The following E4F1 variants were observed in gnomAD, a reference collection of about 807,000 sequenced individuals.
E4F1 encodes transcription factor E4F1.
In E4F1, 30 loss-of-function variants were observed where a neutral mutation model predicts 72.9. The ratio of observed to expected loss-of-function variants is 0.41; its 90% confidence interval spans 0.31 to 0.56. The LOEUF is 0.56. E4F1 is among the 20% of genes least tolerant of loss of function. The probability of loss-of-function intolerance (pLI) is 0.25; values close to 1 mark genes in which losing one functional copy is unlikely to be tolerated. For missense variants in E4F1, 1,091 were observed against 1,117.5 expected (o/e 0.98, Z 0.34); for synonymous variants, 542 against 478.2 (o/e 1.13, Z -1.74).
At chr16:2,231,422 C>G (rs1317637783) in intron 3 of E4F1, 1 of 152,294 alleles carries the variant, frequency 6.6e-6, no homozygotes, top group Non-Finnish European at 1.5e-5. Flanking sequence ...TCTGAGTCAC[C>G]ACGCTTTTGT....
At chr16:2,226,941 G>A (rs577462697) in intron 1 of E4F1, among the ~76,000 whole-genome samples, 1 of 152,370 alleles carries the variant, frequency 6.6e-6, no homozygotes, top group African/African-American at 2.4e-5. Context: ...AGAGCCAGTG[G>A]GCATCAGTCT....
In E4F1 at chr16:2,232,536, C is replaced by T. The variant is rs1161743687; in HGVS notation, c.690C>T (p.Arg230=). The change falls in exon 5 of 14, where the codon CGC becomes CGT. Residue 230 remains arginine, a synonymous_variant. Transcript: ENST00000301727. ...HECKLCGASF[R]TKGSLIRHHR... ...GCAAGCTCTGTGGGGCCTCCTTCCG[C>T]ACCAAGGGCTCACTCATCCGGCACC... is the stretch of plus-strand genomic sequence containing the variant. 1 of 1,612,350 alleles carries T rather than the reference C, an allele frequency of 6.2e-7. No individual in the cohort carries two copies. The highest frequency in any genetic ancestry group is 1.1e-5 in the South Asian group (1 of 91,022).
Position 2,229,629 on chromosome 16 carries a change from G to C in E4F1, c.369G>C (p.Glu123Asp). ...TCACTGTGGCCCACATCGTGGTGGAGGCGGCCTCTCTGGCAGCAGACATCA... is the reference window on the plus strand; with the variant it reads ...TCACTGTGGCCCACATCGTGGTGGACGCGGCCTCTCTGGCAGCAGACATCA... The part of the protein sequence containing the change: ...EPITVAHIVV[E>D]AASLAADISH... Residue 123 changes from glutamate (E) to aspartate (D), a missense_variant, in exon 3 of 14, where the codon GAG (glutamate) becomes GAC (aspartate). Around this residue, in one of 5 missense-constraint regions of E4F1, gnomAD observed 362 missense variants for 358.6 expected, o/e 1.01. Coordinates refer to ENST00000301727, the MANE Select transcript of E4F1 (RefSeq NM_004424.5). The C allele has an allele frequency of 6.2e-7, 1 of 1,612,972 alleles. No homozygotes were observed. The highest frequency in any genetic ancestry group is 8.5e-7 in the Non-Finnish European group (1 of 1,179,994).
intron 4 of E4F1, 22 bp downstream of exon 4, chr16:2,232,386 C>A: frequency 6.2e-7 from 1 of 1,602,022 alleles, no homozygotes; most frequent in Non-Finnish European, 8.5e-7. Flanking sequence ...TGCGGGGAGC[C>A]AGTGTGTGGG....
rs759014990 is a variant in E4F1, at chr16:2,232,560, C to T, written c.714C>T (p.His238=). ...SFRTKGSLIR[H]HRRHTDERPY... is the part of the protein sequence containing the mutation. Reference sequence around the variant, plus strand: ...GCACCAAGGGCTCACTCATCCGGCACCACCGGCGGCACACGGGTGAGCTGG... The same window carrying T: ...GCACCAAGGGCTCACTCATCCGGCATCACCGGCGGCACACGGGTGAGCTGG... The change falls in exon 5 of 14, where the codon CAC becomes CAT. Residue 238 remains histidine (H), a synonymous_variant. Transcript: ENST00000301727. 6.2e-7 allele frequency: 1 copy of T among 1,612,358 alleles called. No homozygotes were observed. Among genetic ancestry groups the T allele is most frequent in the South Asian group, 1.1e-5 (1 of 91,070 alleles).
Position 2,233,565 on chromosome 16 carries a change from C to T in E4F1, c.1184C>T (p.Ala395Val), listed in dbSNP as rs1370656362. 3 of 1,506,604 alleles carry T rather than the reference C, an allele frequency of 2.0e-6. No homozygotes were observed. In the East Asian group the frequency reaches 7.2e-5, roughly 36 times the overall value. The allele number at this position is 1,506,604 out of a possible 1,614,324, so 93.3% of individuals were successfully genotyped here. Residue 395 changes from alanine to valine, a missense_variant, in exon 8 of 14, where the codon GCT (alanine) becomes GTT (valine). Around this residue, in one of 5 missense-constraint regions of E4F1, gnomAD observed 622 missense variants for 628.0 expected, o/e 0.99. Transcript: ENST00000301727. ...GGGGAGGAGGGTGCCCTGGAGCCAG[C>T]TCCTGCTGCCGGGTCCAGTCCCCAG... The part of the protein sequence containing the change: ...AAGEEGALEP[A>V]PAAGSSPQPL...
intron 1 of E4F1, among the ~76,000 whole-genome samples, chr16:2,224,119 C>G (rs2093416492): frequency 6.6e-6 from 1 of 152,256 alleles, no homozygotes; most frequent in Non-Finnish European, 1.5e-5. Flanking sequence ...GGGCCCCTTC[C>G]TCCTGCACCT....
rs200728691 is a variant in E4F1 at position 2,225,330 on chromosome 16, C to CT, written c.157+1562dup. Among the ~76,000 whole-genome samples the CT allele has an allele frequency of 3.4e-3, 513 of 152,016 alleles. 11 individuals carry two copies. The highest frequency in any genetic ancestry group is 0.031 in the Admixed American group (480 of 15,262). ...GGAGCTTGGGTCTGTACCCTCTGAG[C>CT]TTGTCCTATGAGGCTGCAGATGGCT... On this transcript the variant is annotated intron_variant, in intron 1 of 13. Transcript: ENST00000301727.
In E4F1 at chr16:2,235,176, T is replaced by C. The variant is rs2093499281; in HGVS notation, c.1998+33T>C. Reference sequence around the variant, plus strand: ...GTAGGGCAGGCGGGGGCGGGGAGGCTCCCTGGCACAGCCGCTCTTGCTGAG... The same window carrying C: ...GTAGGGCAGGCGGGGGCGGGGAGGCCCCCTGGCACAGCCGCTCTTGCTGAG... On this transcript the variant is annotated intron_variant, in intron 13 of 13. Coordinates refer to ENST00000301727, the MANE Select transcript of E4F1 (RefSeq NM_004424.5). 5.6e-6 allele frequency: 9 copies of C among 1,610,370 alleles called. No homozygotes were observed. In the East Asian group the frequency reaches 2.0e-4, roughly 36 times the overall value.
chr16:2,229,946 G>T, intron 3 of E4F1: 1 of 426,994 alleles, frequency 2.3e-6, no homozygotes. Context: ...TTTCCCGGGT[G>T]GTCTCTGCCG....
chr16:2,228,632 C>G (rs537259861), intron 2 of E4F1, 109 bp downstream of exon 2: 25 of 1,376,176 alleles, frequency 1.8e-5, no homozygotes, highest in Non-Finnish European at 2.4e-5. Context: ...GCCACGTGGG[C>G]GGGCAGAGGG....
chr16:2,229,607 C>G lies in E4F1; in HGVS notation c.347C>G (p.Thr116Ser), dbSNP rs1467285936. 6.2e-7 allele frequency: 1 copy of G among 1,612,704 alleles called. No homozygotes were observed. The highest frequency in any genetic ancestry group is 1.3e-5 in the African/African-American group (1 of 75,082). The change falls in exon 3 of 14, where the codon ACT (threonine) becomes AGT (serine). Residue 116 changes from threonine (T) to serine (S), a missense_variant. Coordinates refer to ENST00000301727, the MANE Select transcript of E4F1 (RefSeq NM_004424.5). ...GCACCAGGCCCAGAGGAGCCCATCA[C>G]TGTGGCCCACATCGTGGTGGAGGCG... Reference protein sequence around the residue: ...PAAPGPEEPITVAHIVVEAAS... With the variant: ...PAAPGPEEPISVAHIVVEAAS...
rs1011236253 is a variant in E4F1, at chr16:2,235,226, A to G, written c.2009A>G (p.His670Arg). 14 of 1,609,472 alleles carry G rather than the reference A, an allele frequency of 8.7e-6. No homozygotes were observed. In the Admixed American group the frequency reaches 1.8e-4, roughly 21 times the overall value. The change falls in exon 14 of 14, where the codon CAC (histidine) becomes CGC (arginine). Residue 670 changes from histidine (H) to arginine (R), a missense_variant. Physicochemically the swap from His to Arg is conservative, Grantham distance 29 (BLOSUM62 0). Transcript: ENST00000301727. ...IEGTQTEVDSHIMKVVQQIVH... is the reference protein window; with the variant it reads ...IEGTQTEVDSRIMKVVQQIVH... ...GCCGTGGCCCTGCAGGTGGACAGCC[A>G]CATCATGAAGGTGGTGCAGCAGATC...
intron 1 of E4F1, among the ~76,000 whole-genome samples, chr16:2,227,954 A>G (rs1443268243): frequency 6.6e-6 from 1 of 150,854 alleles, no homozygotes; most frequent in Non-Finnish European, 1.5e-5. Context: ...GTGAGCCACC[A>G]TGCCCGGCCC....
Position 2,235,529 on chromosome 16 carries a change from C to A in E4F1, c.2312C>A (p.Ala771Asp). The A allele has an allele frequency of 6.2e-7, 1 of 1,605,316 alleles. No individual in the cohort carries two copies. The highest frequency in any genetic ancestry group is 2.2e-5 in the East Asian group (1 of 44,584). ...GAGCATGCAGGCGAGCTGGTCATCG[C>A]CTCGCCGGAGGGCCAGCTGGAGGTG... ...ILEHAGELVI[A>D]SPEGQLEVQT... The change falls in exon 14 of 14, where the codon GCC becomes GAC. Residue 771 changes from alanine (A) to aspartate (D), a missense_variant. Ala to Asp is a moderately radical substitution (Grantham distance 126). Around this residue, in one of 5 missense-constraint regions of E4F1, gnomAD observed 622 missense variants for 628.0 expected, o/e 0.99. Transcript: ENST00000301727.
intron 2 of E4F1, 72 bp downstream of exon 2, chr16:2,228,595 G>A: frequency 6.4e-7 from 1 of 1,551,542 alleles, no homozygotes; most frequent in Non-Finnish European, 8.7e-7. Flanking sequence ...CGCGCTTCAG[G>A]ATGGACCTGT....
At position 2,235,320 on chromosome 16, in the gene E4F1, G is replaced by A. The variant is rs764444519; in HGVS notation, c.2103G>A (p.Leu701=). 14 of 1,610,666 alleles carry A rather than the reference G, an allele frequency of 8.7e-6. No homozygotes were observed. The highest frequency in any genetic ancestry group is 3.3e-5 in the South Asian group (3 of 91,090). Residue 701 remains leucine (L), a synonymous_variant, in exon 14 of 14, where the codon CTG becomes CTA. Coordinates refer to ENST00000301727, the MANE Select transcript of E4F1 (RefSeq NM_004424.5). The stretch of plus-strand genomic sequence containing the variant: ...TCACCATGGACGAGGAGACGGCGCT[G>A]GGCCCAGAGGCGGCTGCCGCCGACA... ...QNVTMDEETA[L]GPEAAAADTI...
intron 7 of E4F1, 66 bp from the exon 8 acceptor site, chr16:2,233,372 G>A: frequency 6.9e-7 from 1 of 1,453,576 alleles, no homozygotes; most frequent in African/African-American, 1.4e-5. Context: ...GCGTGCGTCT[G>A]CCCCATGGGG....
At chr16:2,228,254 C>A in intron 1 of E4F1, 118 bp from the exon 2 acceptor site, 2 of 1,361,726 alleles carry the variant, frequency 1.5e-6, no homozygotes, top group Non-Finnish European at 2.1e-6. Flanking sequence ...GGGGAAGTAG[C>A]TCTGCTTCTG....
Sources: gnomAD v4.1 joint callset for allele counts (sites outside exome capture counted in the v4.1 genomes callset) on GRCh38, gnomAD v4.1.1 for gene constraint, gnomAD v4.1.1 regional missense constraint, MANE v1.5 for transcripts, NCBI Gene and HGNC (gene_info 2026-07-23, HGNC 2026-07-21) for gene names.